Variants in KCTD16 observed in about 807,000 individuals in gnomAD.
The protein encoded by KCTD16 is potassium channel tetramerization domain containing 16.
KCTD16 carries 13 observed loss-of-function variants against 33.2 expected under a neutral mutation model. That is an observed-to-expected ratio of 0.39 (90% CI 0.25 to 0.62). KCTD16 has a LOEUF of 0.62. Among genes scored for constraint, KCTD16 ranks in the 20% least tolerant of loss-of-function variants. The pLI, the probability that KCTD16 is intolerant of heterozygous loss-of-function variation, is 0.50. For missense variants in KCTD16, 441 were observed against 525.1 expected (o/e 0.84, Z 1.57); for synonymous variants, 197 against 195.3 (o/e 1.01, Z -0.07).
Position 144,395,466 on chromosome 5 carries a change from C to T in KCTD16, c.833-78194C>T, listed in dbSNP as rs576436512. ...CTGGGCATTCTGCTGCAATAAAGTT[C>T]TTATGGATATATTAAGGGCAAATAG... is the stretch of plus-strand genomic sequence containing the variant. On this transcript the variant is annotated intron_variant, in intron 3 of 3. Transcript: ENST00000512467. 5.3e-5 allele frequency among the ~76,000 whole-genome samples: 8 copies of T among 152,246 alleles called. No homozygotes were observed. The South Asian group carries it at 1.7e-3, about 32-fold the overall frequency.
intron 3 of KCTD16, among the ~76,000 whole-genome samples, chr5:144,292,614 G>A (rs988739609): frequency 6.6e-6 from 1 of 152,038 alleles, no homozygotes; most frequent in Non-Finnish European, 1.5e-5. Flanking sequence ...GTAACTTTAG[G>A]TGCATATTTG....
At chr5:144,255,638 G>T (rs947017634) in intron 3 of KCTD16, among the ~76,000 whole-genome samples, 1 of 152,114 alleles carries the variant, frequency 6.6e-6, no homozygotes, top group Non-Finnish European at 1.5e-5. Context: ...GTCTATTCAA[G>T]TGCTTAGCCC....
Position 144,380,264 on chromosome 5 carries a change from C to T in KCTD16, c.833-93396C>T, listed in dbSNP as rs138818930. ...AACAGCCACAAAAAGAATAAAATAC[C>T]TAGGAATACAGCTTACCAAGGAGGT... On this transcript the variant is annotated intron_variant, in intron 3 of 3. Transcript: ENST00000512467. 2.8e-4 allele frequency among the ~76,000 whole-genome samples: 42 copies of T among 151,908 alleles called. No homozygotes were observed. The East Asian group carries it at 7.0e-3, about 25-fold the overall frequency.
At chr5:144,361,607 A>G (rs901726440) in intron 3 of KCTD16, among the ~76,000 whole-genome samples, 1 of 152,244 alleles carries the variant, frequency 6.6e-6, no homozygotes, top group African/African-American at 2.4e-5. Context: ...TTCGTTGCTT[A>G]CTACCACCTC....
intron 3 of KCTD16, among the ~76,000 whole-genome samples, chr5:144,285,562 C>T (rs1026301961): frequency 3.9e-5 from 6 of 152,080 alleles, no homozygotes; most frequent in Admixed American, 6.6e-5. Flanking sequence ...ATTGACCTTG[C>T]GTTTTTTGTT....
At chr5:144,439,390 A>T in intron 3 of KCTD16, 1 of 507,564 alleles carries the variant, frequency 2.0e-6, no homozygotes, top group South Asian at 1.6e-5. Context: ...CAGCAGAGTC[A>T]GGGATGAGTC....
chr5:144,441,879 ATTT>A (rs1281863258), intron 3 of KCTD16, among the ~76,000 whole-genome samples: 2 of 148,956 alleles, frequency 1.3e-5, no homozygotes, highest in African/African-American at 4.9e-5. Flanking sequence ...AAAATCTGGG[ATTT>A]TTGTTGGAGA....
chr5:144,410,995 A>C (rs749484107), intron 3 of KCTD16, among the ~76,000 whole-genome samples: 3 of 152,154 alleles, frequency 2.0e-5, no homozygotes, highest in African/African-American at 4.8e-5. Flanking sequence ...GAAAGATAAG[A>C]TCTATACCCA....
chr5:144,449,000 A>G (rs1048456376), intron 3 of KCTD16, among the ~76,000 whole-genome samples: 7 of 152,050 alleles, frequency 4.6e-5, no homozygotes, highest in Non-Finnish European at 8.8e-5. Flanking sequence ...TTTACACAAA[A>G]ATAGTAAAAA....
At chr5:144,243,740 T>A (rs1457933422) in intron 3 of KCTD16, among the ~76,000 whole-genome samples, 2 of 151,986 alleles carry the variant, frequency 1.3e-5, no homozygotes, top group African/African-American at 4.8e-5. Context: ...ATACTCTTTT[T>A]TTTGTTTTGT....
chr5:144,255,266 G>A (rs2126834795), intron 3 of KCTD16, among the ~76,000 whole-genome samples: 1 of 152,286 alleles, frequency 6.6e-6, no homozygotes, highest in South Asian at 2.1e-4. Flanking sequence ...TTTGTGAATA[G>A]TGCTGCAATA....
chr5:144,202,216 C>A (rs1241660983), intron 2 of KCTD16, among the ~76,000 whole-genome samples: 1 of 152,078 alleles, frequency 6.6e-6, no homozygotes, highest in African/African-American at 2.4e-5. Context: ...AGTGTTTCAG[C>A]GGAGAGCTGC....
chr5:144,177,286 A>G (rs1175687412), intron 2 of KCTD16, among the ~76,000 whole-genome samples: 1 of 152,238 alleles, frequency 6.6e-6, no homozygotes. Flanking sequence ...ATTGGTAAGA[A>G]GGAACATTAT....
chr5:144,206,400 A>G lies in KCTD16; in HGVS notation c.-315A>G, dbSNP rs1212182860. ...CTCTTTTCCTTCAGACGGACATCTGAGTAACTGGGGAATTGGCCTGCCTTG... is the reference window on the plus strand; with the variant it reads ...CTCTTTTCCTTCAGACGGACATCTGGGTAACTGGGGAATTGGCCTGCCTTG... On this transcript the variant is annotated 5_prime_UTR_variant, in exon 3 of 4. It removes the in-frame stop codon of an upstream open reading frame in the 5' UTR. Transcript: ENST00000512467. The G allele has an allele frequency of 1.5e-5, 4 of 267,688 alleles. No individual in the cohort carries two copies. The highest frequency in any genetic ancestry group is 2.8e-5 in the Non-Finnish European group (4 of 143,080). The allele number at this position is 267,688 out of a possible 1,614,324, so 16.6% of individuals were successfully genotyped here.
chr5:144,208,913 T>G (rs1753278323), intron 3 of KCTD16, among the ~76,000 whole-genome samples: 2 of 152,242 alleles, frequency 1.3e-5, no homozygotes, highest in South Asian at 4.1e-4. Context: ...ATCTATATCT[T>G]TCTTTATGCT....
At chr5:144,337,399 G>T (rs1490885217) in intron 3 of KCTD16, among the ~76,000 whole-genome samples, 1 of 152,126 alleles carries the variant, frequency 6.6e-6, no homozygotes. Context: ...AGTAGGCTAT[G>T]ATTTTAATGC....
At chr5:144,408,552 T>C (rs1752863440) in intron 3 of KCTD16, among the ~76,000 whole-genome samples, 1 of 152,242 alleles carries the variant, frequency 6.6e-6, no homozygotes, top group Admixed American at 6.5e-5. Context: ...CCCCAAATTT[T>C]CACCCTGATC....
intron 3 of KCTD16, among the ~76,000 whole-genome samples, chr5:144,414,496 G>A (rs1299732059): frequency 1.3e-5 from 2 of 152,180 alleles, no homozygotes; most frequent in Non-Finnish European, 2.9e-5. Flanking sequence ...TATGGGCTTA[G>A]TTCAGGCAGG....
At chr5:144,370,334 C>G (rs1751940590) in intron 3 of KCTD16, among the ~76,000 whole-genome samples, 1 of 152,146 alleles carries the variant, frequency 6.6e-6, no homozygotes, top group Non-Finnish European at 1.5e-5. Context: ...CTAGTTCTAC[C>G]TAGACTGAAG....
Sources: gnomAD v4.1 joint callset for allele counts (sites outside exome capture counted in the v4.1 genomes callset) on GRCh38, gnomAD v4.1.1 for gene constraint, MANE v1.5 for transcripts, NCBI Gene and HGNC (gene_info 2026-07-23, HGNC 2026-07-21) for gene names.